Variants in PRELID2 observed in about 807,000 individuals in gnomAD.
The protein encoded by PRELID2 is PRELI domain-containing protein 2.
PRELID2 carries 25 observed loss-of-function variants against 28.4 expected under a neutral mutation model. The ratio of observed to expected loss-of-function variants is 0.88; its 90% CI spans 0.64 to 1.23. The LOEUF (loss-of-function observed/expected upper bound fraction) is 1.23. Among genes scored for constraint, PRELID2 ranks in the 50% most tolerant of loss-of-function variants. The pLI, the probability that PRELID2 is intolerant of heterozygous loss-of-function variation, is 0.00. For synonymous variants in PRELID2, 76 were observed against 71.6 expected (o/e 1.06, Z -0.31); for missense variants, 201 against 214.4 (o/e 0.94, Z 0.39).
chr5:145,343,658 TAATA>T, the PRELID2 span, among the ~76,000 whole-genome samples: 5 of 150,658 alleles, frequency 3.3e-5, no homozygotes, highest in Non-Finnish European at 7.4e-5. Context: ...AGAAAAGAAA[TAATA>T]AATATAAGAG....
the PRELID2 span, among the ~76,000 whole-genome samples, chr5:145,372,827 T>C: frequency 6.8e-6 from 1 of 146,564 alleles, no homozygotes; most frequent in African/African-American, 2.5e-5. Flanking sequence ...AATTGGGGCA[T>C]TCAGCTCATT....
At chr5:145,544,765 T>A (rs1219759797) in intron 1 of PRELID2, among the ~76,000 whole-genome samples, 1 of 152,130 alleles carries the variant, frequency 6.6e-6, no homozygotes, top group South Asian at 2.1e-4. Context: ...ATTCAAATTG[T>A]TTAGAATTTT....
At chr5:145,363,035 C>T in the PRELID2 span, among the ~76,000 whole-genome samples, 1 of 148,322 alleles carries the variant, frequency 6.7e-6, no homozygotes, top group African/African-American at 2.5e-5. Context: ...TTTTCTTCTC[C>T]ACCATAGAGA....
the PRELID2 span, among the ~76,000 whole-genome samples, chr5:145,419,806 A>G: frequency 4.5e-3 from 691 of 152,022 alleles, 6 homozygotes; most frequent in African/African-American, 0.015. Flanking sequence ...GTCCTTGCCC[A>G]TGCCTATGTC....
intron 5 of PRELID2, among the ~76,000 whole-genome samples, chr5:145,778,107 A>G (rs2149790763): frequency 6.6e-6 from 1 of 152,194 alleles, no homozygotes; most frequent in South Asian, 2.1e-4. Flanking sequence ...ATGGCCACCC[A>G]ACTGGTGCAC....
intron 1 of PRELID2, among the ~76,000 whole-genome samples, chr5:145,672,185 G>A (rs1754720529): frequency 6.6e-6 from 1 of 151,942 alleles, no homozygotes; most frequent in African/African-American, 2.4e-5. Flanking sequence ...CTCTAAATTT[G>A]TATCACTGAA....
At chr5:145,672,324 C>T (rs1754723458) in intron 1 of PRELID2, among the ~76,000 whole-genome samples, 1 of 152,092 alleles carries the variant, frequency 6.6e-6, no homozygotes, top group East Asian at 1.9e-4. Flanking sequence ...TTTGGATAGA[C>T]CTAGGCTGTA....
chr5:145,814,976 T>C (rs1754198086), intron 4 of PRELID2, among the ~76,000 whole-genome samples: 1 of 152,216 alleles, frequency 6.6e-6, no homozygotes, highest in East Asian at 1.9e-4. Context: ...AATCTGTATG[T>C]TACGACTGCA....
At chr5:145,446,899 A>G in the PRELID2 span, among the ~76,000 whole-genome samples, 1 of 151,866 alleles carries the variant, frequency 6.6e-6, no homozygotes, top group African/African-American at 2.4e-5. Flanking sequence ...ATACAAAATT[A>G]GCTAGGCATG....
intron 1 of PRELID2, among the ~76,000 whole-genome samples, chr5:145,742,207 T>TAA (rs1421865085): frequency 1.4e-4 from 19 of 138,252 alleles, no homozygotes; most frequent in Non-Finnish European, 1.9e-4. Flanking sequence ...AATATATAAA[T>TAA]ATACATTTTT....
chr5:145,468,959 C>A (rs938416380), downstream of PRELID2, among the ~76,000 whole-genome samples: 1 of 152,056 alleles, frequency 6.6e-6, no homozygotes, highest in East Asian at 1.9e-4. Flanking sequence ...GTTGTCATTG[C>A]TTCTGGTGTT....
chr5:145,637,203 G>A (rs892393575), intron 1 of PRELID2, among the ~76,000 whole-genome samples: 19 of 152,072 alleles, frequency 1.2e-4, no homozygotes, highest in African/African-American at 3.6e-4. Flanking sequence ...AACAACCAAC[G>A]TTTATTGGGC....
At chr5:145,407,466 G>A in the PRELID2 span, among the ~76,000 whole-genome samples, 1 of 152,034 alleles carries the variant, frequency 6.6e-6, no homozygotes, top group Non-Finnish European at 1.5e-5. Flanking sequence ...CTCACCTAAG[G>A]AGAGTCTGAG....
the PRELID2 span, among the ~76,000 whole-genome samples, chr5:145,401,367 T>C: frequency 6.6e-6 from 1 of 152,252 alleles, no homozygotes; most frequent in East Asian, 1.9e-4. Context: ...GAATTTTCCC[T>C]AAGGTAAATG....
the PRELID2 span, among the ~76,000 whole-genome samples, chr5:145,403,597 T>A: frequency 4.5e-3 from 682 of 152,286 alleles, 2 homozygotes; most frequent in African/African-American, 0.015. Context: ...TCAGACCTAC[T>A]GGGTAAAAGA....
the PRELID2 span, among the ~76,000 whole-genome samples, chr5:145,345,957 T>G: frequency 6.6e-6 from 1 of 152,056 alleles, no homozygotes; most frequent in South Asian, 2.1e-4. Flanking sequence ...CAGCTGCAAA[T>G]GAGCATTAAG....
chr5:145,435,057 C>T, the PRELID2 span, among the ~76,000 whole-genome samples: 15 of 152,112 alleles, frequency 9.9e-5, no homozygotes, highest in Admixed American at 2.0e-4. Context: ...CTTGTTCTTC[C>T]AATATGTGGG....
chr5:145,777,235 C>T lies in PRELID2; in HGVS notation c.475-12235G>A, dbSNP rs190644375. 8.4e-4 allele frequency among the ~76,000 whole-genome samples: 128 copies of T among 152,268 alleles called. 1 individual carries two copies. In the East Asian group the frequency reaches 0.022, roughly 26 times the overall value. On this transcript the variant is annotated intron_variant, in intron 5 of 6. Coordinates refer to ENST00000683046, the MANE Select transcript of PRELID2 (RefSeq NM_205846.3). ...TTTGTTTTAGAGACGGGGTCTCACA[C>T]TCTGTTGCCCAGGCTGGAGTGCAGC... is the stretch of plus-strand genomic sequence containing the variant.
At chr5:145,656,825 A>G (rs951504908) in intron 1 of PRELID2, among the ~76,000 whole-genome samples, 2 of 152,072 alleles carry the variant, frequency 1.3e-5, no homozygotes, top group African/African-American at 4.8e-5. Context: ...TGGGTGCAGC[A>G]CACCAACATG....
Sources: gnomAD v4.1 joint callset for allele counts (sites outside exome capture counted in the v4.1 genomes callset) on GRCh38, gnomAD v4.1.1 for gene constraint, MANE v1.5 for transcripts, NCBI Gene and HGNC (gene_info 2026-07-23, HGNC 2026-07-21) for gene names.